Variants in TLN2 observed in about 807,000 individuals in gnomAD.
TLN2 encodes talin-2.
A neutral mutation model predicts 294.7 loss-of-function variants in TLN2; 118 were observed. That is an observed-to-expected ratio of 0.40 (90% confidence interval 0.34 to 0.47). The LOEUF is 0.47. Among genes scored for constraint, TLN2 ranks in the 20% least tolerant of loss-of-function variants. The probability of loss-of-function intolerance (pLI) is 0.84; values close to 1 mark genes in which losing one functional copy is unlikely to be tolerated. For missense variants in TLN2, 3,083 were observed against 3,282.2 expected, an observed-to-expected ratio of 0.94 and a Z score of 1.48; for synonymous variants, 1,431 against 1,304.5, an observed-to-expected ratio of 1.10 and a Z score of -2.09.
intron 43 of TLN2, 57 bp from the exon 44 acceptor site, chr15:62,781,083 A>G: frequency 1.5e-6 from 2 of 1,312,566 alleles, no homozygotes; most frequent in Non-Finnish European, 2.2e-6. Context: ...TCGTAAATAC[A>G]GTCTACACTT....
Position 62,694,365 on chromosome 15 carries a change from T to C in TLN2, c.1265T>C (p.Met422Thr). Residue 422 changes from methionine to threonine, a missense_variant, in exon 14 of 59, where the codon ATG (methionine) becomes ACG (threonine). Transcript: ENST00000636159. ...FGLEGDEEST[M>T]LEESVSPKKS... Reference sequence around the variant, plus strand: ...CTAGAAGGTGATGAGGAGTCAACCATGTTAGAAGAGTCCGTTTCCCCAAAA... The same window carrying C: ...CTAGAAGGTGATGAGGAGTCAACCACGTTAGAAGAGTCCGTTTCCCCAAAA... 3 of 1,614,078 alleles carry C rather than the reference T, an allele frequency of 1.9e-6. No individual in the cohort carries two copies. Among genetic ancestry groups the C allele is most frequent in the South Asian group, 1.1e-5 (1 of 91,066 alleles).
chr15:62,761,254 C>T (rs534706960), intron 37 of TLN2, among the ~76,000 whole-genome samples: 1 of 152,242 alleles, frequency 6.6e-6, no homozygotes, highest in African/African-American at 2.4e-5. Context: ...AAATACAATA[C>T]GGTATGTTTA....
intron 13 of TLN2, among the ~76,000 whole-genome samples, chr15:62,693,732 C>G (rs1251299726): frequency 1.3e-5 from 2 of 152,030 alleles, no homozygotes; most frequent in Non-Finnish European, 2.9e-5. Flanking sequence ...ATATGTGCAT[C>G]TTGATTTTTT....
At chr15:62,538,973 A>G (rs2041517310) in intron 1 of TLN2, among the ~76,000 whole-genome samples, 1 of 152,218 alleles carries the variant, frequency 6.6e-6, no homozygotes. Flanking sequence ...AAAGATCTTA[A>G]AGTATAGTAG....
intron 3 of TLN2, among the ~76,000 whole-genome samples, chr15:62,641,674 T>G (rs966982264): frequency 6.6e-6 from 1 of 152,068 alleles, no homozygotes; most frequent in African/African-American, 2.4e-5. Context: ...CTAAGCCTTT[T>G]CTCTGTGCCT....
chr15:62,784,866 C>T (rs1006189198), intron 45 of TLN2: 1 of 152,192 alleles, frequency 6.6e-6, no homozygotes, highest in Non-Finnish European at 1.5e-5. Flanking sequence ...TTCTCTTCTC[C>T]TTATAGTGAC....
At chr15:62,660,604 A>G (rs569807608) in intron 9 of TLN2, among the ~76,000 whole-genome samples, 9 of 152,306 alleles carry the variant, frequency 5.9e-5, no homozygotes, top group African/African-American at 2.2e-4. Context: ...GTAATCAGGT[A>G]TTTGCTTTAT....
chr15:62,547,765 A>G (rs915043156), intron 1 of TLN2, among the ~76,000 whole-genome samples: 1 of 152,240 alleles, frequency 6.6e-6, no homozygotes, highest in Non-Finnish European at 1.5e-5. Context: ...AATGGAAAGT[A>G]GCCTGATAAA....
intron 1 of TLN2, among the ~76,000 whole-genome samples, chr15:62,565,379 T>C (rs892477441): frequency 6.6e-6 from 1 of 152,202 alleles, no homozygotes; most frequent in Non-Finnish European, 1.5e-5. Context: ...CAGATGATAT[T>C]TCTAAAAGAG....
chr15:62,538,151 G>T (rs2041469248), intron 1 of TLN2, among the ~76,000 whole-genome samples: 1 of 152,092 alleles, frequency 6.6e-6, no homozygotes, highest in South Asian at 2.1e-4. Context: ...AACCCAGGAG[G>T]CAGAGGTTGC....
At chr15:62,747,638 T>G (rs757773088) in intron 32 of TLN2, among the ~76,000 whole-genome samples, 5 of 152,200 alleles carry the variant, frequency 3.3e-5, no homozygotes, top group Non-Finnish European at 7.3e-5. Context: ...TGTATTAGCT[T>G]TCTTAGGAGA....
At chr15:62,719,599 T>G (rs559203042) in intron 24 of TLN2, among the ~76,000 whole-genome samples, 168 bp from the exon 25 acceptor site, 1 of 152,332 alleles carries the variant, frequency 6.6e-6, no homozygotes, top group Non-Finnish European at 1.5e-5. Context: ...GGATTCAGTG[T>G]TGGTAAGGAC....
chr15:62,537,044 A>T (rs2140511849), intron 1 of TLN2, among the ~76,000 whole-genome samples: 1 of 148,328 alleles, frequency 6.7e-6, no homozygotes, highest in South Asian at 2.1e-4. Context: ...TTTTGGACGG[A>T]GTCTTGCTCT....
chr15:62,507,019 T>TA (rs2140442585), intron 1 of TLN2, among the ~76,000 whole-genome samples: 1 of 152,352 alleles, frequency 6.6e-6, no homozygotes, highest in Non-Finnish European at 1.5e-5. Flanking sequence ...CTTTTTAGCT[T>TA]AAAAACACTT....
At chr15:62,755,474 G>T in intron 36 of TLN2, 58 bp from the exon 37 acceptor site, 2 of 1,574,754 alleles carry the variant, frequency 1.3e-6, no homozygotes, top group Non-Finnish European at 1.7e-6. Context: ...TGAGGACCGG[G>T]GTGGACCCCT....
chr15:62,718,088 C>T (rs1307527620), intron 24 of TLN2, among the ~76,000 whole-genome samples: 3 of 152,158 alleles, frequency 2.0e-5, no homozygotes, highest in Admixed American at 6.5e-5. Context: ...AATAATTGCA[C>T]CTCAAGGATT....
intron 1 of TLN2, among the ~76,000 whole-genome samples, chr15:62,414,986 C>A (rs2033995253): frequency 7.1e-6 from 1 of 140,944 alleles, no homozygotes; most frequent in Admixed American, 7.7e-5. Flanking sequence ...ATCTCGGCTC[C>A]CTGCAACCTG....
chr15:62,622,181 A>G (rs1418286511), intron 3 of TLN2, among the ~76,000 whole-genome samples: 1 of 152,096 alleles, frequency 6.6e-6, no homozygotes, highest in Non-Finnish European at 1.5e-5. Context: ...TTAATGTGCA[A>G]ATTATTATTA....
intron 1 of TLN2, among the ~76,000 whole-genome samples, chr15:62,411,966 C>T (rs1202263744): frequency 6.6e-6 from 1 of 152,164 alleles, no homozygotes; most frequent in Non-Finnish European, 1.5e-5. Context: ...CATCTGAGTA[C>T]TAACTCAAAG....
Sources: allele counts gnomAD v4.1 joint callset (sites outside exome capture counted in the v4.1 genomes callset), GRCh38; gene constraint gnomAD v4.1.1; transcripts MANE v1.5; gene names NCBI Gene and HGNC (gene_info 2026-07-23, HGNC 2026-07-21).